The following MED13L variants were observed in gnomAD, a reference collection of about 807,000 sequenced individuals.
The protein encoded by MED13L is mediator complex subunit 13L, also known as mediator of RNA polymerase II transcription subunit 13-like.
Under a neutral mutation model 220.9 loss-of-function variants are expected in MED13L, and 7 were observed. The observed-to-expected ratio is 0.03, with a 90% CI of 0.02 to 0.06. The LOEUF (loss-of-function observed/expected upper bound fraction) is 0.06, where lower values mean the gene tolerates loss of function less well. Among genes scored for constraint, MED13L ranks in the 10% least tolerant of loss-of-function variants. MED13L has a pLI of 1.00. For synonymous variants in MED13L, 1,011 were observed against 1,015.2 expected (o/e 1.00, Z 0.08); for missense variants, 1,965 against 2,760.5 (o/e 0.71, Z 6.46).
Position 116,096,378 on chromosome 12 carries a change from A to G in MED13L, c.479+291T>C, listed in dbSNP as rs916233638. Reference sequence around the variant, plus strand: ...TCAAAAAAAAAAAAAAAAAAAAAAAAAAAGTCAAAGATGAGGAAGGAAAAT... The same window carrying G: ...TCAAAAAAAAAAAAAAAAAAAAAAAGAAAGTCAAAGATGAGGAAGGAAAAT... On this transcript the variant is annotated intron_variant, in intron 4 of 30. Transcript: ENST00000281928. 9.5e-4 allele frequency among the ~76,000 whole-genome samples: 141 copies of G among 147,826 alleles called. 1 individual carries two copies. Among genetic ancestry groups the G allele is most frequent in the Non-Finnish European group, 1.8e-3 (119 of 67,354 alleles).
intron 1 of MED13L, among the ~76,000 whole-genome samples, chr12:116,275,253 TAAATGATAA>T (rs1244449459): frequency 1.3e-5 from 2 of 152,114 alleles, no homozygotes; most frequent in African/African-American, 4.8e-5. Context: ...TGACTGATAC[TAAATGATAA>T]GACTGAGGAG....
intron 5 of MED13L, 147 bp from the exon 6 acceptor site, chr12:116,020,119 A>G (rs1321639987): frequency 6.2e-6 from 5 of 810,146 alleles, no homozygotes; most frequent in Non-Finnish European, 5.7e-6. Flanking sequence ...GTATGATTTA[A>G]AAGAAATTTT....
intron 2 of MED13L, among the ~76,000 whole-genome samples, chr12:116,146,102 T>G (rs1053914387): frequency 1.3e-5 from 2 of 152,144 alleles, no homozygotes; most frequent in Non-Finnish European, 2.9e-5. Flanking sequence ...TAAAACATTA[T>G]GAGCTATTTT....
At chr12:116,251,621 C>T (rs1474989590) in intron 1 of MED13L, among the ~76,000 whole-genome samples, 1 of 151,170 alleles carries the variant, frequency 6.6e-6, no homozygotes, top group Non-Finnish European at 1.5e-5. Flanking sequence ...CATTAGCCAG[C>T]ATGGTGGCAG....
intron 2 of MED13L, among the ~76,000 whole-genome samples, chr12:116,179,359 C>T (rs1259158696): frequency 1.3e-5 from 2 of 151,974 alleles, no homozygotes; most frequent in Non-Finnish European, 2.9e-5. Context: ...TCTATAACCC[C>T]AGAACTTTTG....
intron 1 of MED13L, among the ~76,000 whole-genome samples, chr12:116,253,466 C>T (rs531631891): frequency 2.0e-5 from 3 of 151,992 alleles, no homozygotes; most frequent in Non-Finnish European, 4.4e-5. Context: ...CCAACATTAA[C>T]CATGATACCA....
At chr12:116,255,593 T>C (rs1171707211) in intron 1 of MED13L, among the ~76,000 whole-genome samples, 1 of 152,168 alleles carries the variant, frequency 6.6e-6, no homozygotes, top group East Asian at 1.9e-4. Context: ...CACCACAAAT[T>C]AGGAGAATAC....
chr12:116,227,171 A>C (rs1869088359), intron 2 of MED13L, among the ~76,000 whole-genome samples: 1 of 152,154 alleles, frequency 6.6e-6, no homozygotes, highest in Admixed American at 6.5e-5. Context: ...AAAACAACTC[A>C]AAGGTAGCCT....
At chr12:115,975,124 G>T in intron 25 of MED13L, 47 bp downstream of exon 25, 2 of 1,574,824 alleles carry the variant, frequency 1.3e-6, no homozygotes, top group East Asian at 2.2e-5. Flanking sequence ...CAATAGCTGA[G>T]CCCTTTTCCT....
chr12:116,049,687 A>G (rs1185029595), intron 4 of MED13L, among the ~76,000 whole-genome samples: 1 of 152,244 alleles, frequency 6.6e-6, no homozygotes, highest in Non-Finnish European at 1.5e-5. Context: ...TATAACATGC[A>G]TGGACATTTT....
chr12:116,075,824 T>C (rs966031379), intron 4 of MED13L, among the ~76,000 whole-genome samples: 2 of 152,074 alleles, frequency 1.3e-5, no homozygotes, highest in Non-Finnish European at 2.9e-5. Context: ...GAGTATGCTA[T>C]AATAGGTTTC....
intron 4 of MED13L, among the ~76,000 whole-genome samples, chr12:116,061,836 T>C (rs1274008908): frequency 2.0e-5 from 3 of 151,582 alleles, no homozygotes; most frequent in African/African-American, 7.3e-5. Context: ...TGAAACCACA[T>C]CTCTACTTAA....
At chr12:116,010,118 C>T (rs1440310654) in intron 9 of MED13L, among the ~76,000 whole-genome samples, 1 of 152,130 alleles carries the variant, frequency 6.6e-6, no homozygotes, top group Admixed American at 6.5e-5. Context: ...AGGATGGCTG[C>T]CCTGCTCCAT....
chr12:115,975,658 C>A lies in MED13L; in HGVS notation c.5445G>T (p.Thr1815=), dbSNP rs767436852. 1.2e-6 allele frequency: 2 copies of A among 1,614,064 alleles called. No individual in the cohort carries two copies. The highest frequency in any genetic ancestry group is 1.7e-6 in the Non-Finnish European group (2 of 1,180,014). The change falls in exon 24 of 31, where the codon ACG becomes ACT. Residue 1815 remains threonine (T), a synonymous_variant. Coordinates refer to ENST00000281928, the MANE Select transcript of MED13L (RefSeq NM_015335.5). ...IKDKQTELGE[T]FGEASQKYNV... is the part of the protein sequence containing the mutation. ...TGTATTTCTGGCTCGCCTCACCAAA[C>A]GTCTCTCCCAGCTCTGTCTGCTTGT...
chr12:115,961,707 G>A (rs1285869606), intron 30 of MED13L: 20 of 397,118 alleles, frequency 5.0e-5, no homozygotes, highest in East Asian at 1.1e-4. Context: ...AGTGGCTCAC[G>A]CCTGGAATCC....
At chr12:116,041,892 A>G (rs1356569483) in intron 4 of MED13L, among the ~76,000 whole-genome samples, 1 of 152,212 alleles carries the variant, frequency 6.6e-6, no homozygotes, top group African/African-American at 2.4e-5. Context: ...AGTGACCAAA[A>G]GAACTTAAAG....
intron 4 of MED13L, chr12:116,082,643 T>C (rs1245744932): frequency 6.6e-6 from 1 of 151,728 alleles, no homozygotes; most frequent in Non-Finnish European, 1.5e-5. Context: ...TGCACAACGA[T>C]GACATGCAAA....
At chr12:116,083,103 TTA>T (rs1565868374) in intron 4 of MED13L, among the ~76,000 whole-genome samples, 1 of 152,176 alleles carries the variant, frequency 6.6e-6, no homozygotes, top group East Asian at 1.9e-4. Context: ...TTTACATTTA[TTA>T]TCTCATTTAA....
intron 4 of MED13L, among the ~76,000 whole-genome samples, chr12:116,076,358 A>ACT (rs1307644332): frequency 2.0e-5 from 3 of 152,086 alleles, no homozygotes; most frequent in Non-Finnish European, 4.4e-5. Flanking sequence ...ACAACATAGT[A>ACT]GGACTCTATC....
Sources: gnomAD v4.1 joint callset for allele counts (sites outside exome capture counted in the v4.1 genomes callset) on GRCh38, gnomAD v4.1.1 for gene constraint, MANE v1.5 for transcripts, NCBI Gene and HGNC (gene_info 2026-07-23, HGNC 2026-07-21) for gene names.